Variants in MMUT observed in about 807,000 individuals in gnomAD.
MMUT encodes methylmalonyl-CoA mutase, mitochondrial.
A neutral mutation model predicts 79.9 loss-of-function variants in MMUT; 79 were observed. That is an observed-to-expected ratio of 0.99 (90% confidence interval 0.82 to 1.19). The LOEUF (loss-of-function observed/expected upper bound fraction) is 1.19, where lower values mean the gene tolerates loss of function less well. MMUT is among the 50% of genes most tolerant of loss of function. MMUT has a pLI of 0.00. For missense variants in MMUT, 860 were observed against 917.2 expected (o/e 0.94, Z 0.81); for synonymous variants, 273 against 295.7 (o/e 0.92, Z 0.79).
intron 6 of MMUT, among the ~76,000 whole-genome samples, chr6:49,450,585 T>C (rs988895372): frequency 2.0e-5 from 3 of 152,088 alleles, no homozygotes; most frequent in Admixed American, 2.0e-4. Context: ...AAATCTAGAA[T>C]AAAAAACAGA....
chr6:49,442,354 T>C (rs1767298947), intron 9 of MMUT, among the ~76,000 whole-genome samples: 1 of 152,214 alleles, frequency 6.6e-6, no homozygotes, highest in East Asian at 1.9e-4. Flanking sequence ...CATCCATTTG[T>C]TCACTAACTC....
chr6:49,450,771 A>G (rs1767532004), intron 6 of MMUT, among the ~76,000 whole-genome samples: 1 of 152,202 alleles, frequency 6.6e-6, no homozygotes, highest in African/African-American at 2.4e-5. Context: ...CTTCCAAATA[A>G]CCAAGAGATA....
At chr6:49,443,372 C>A (rs1192831130) in intron 9 of MMUT, among the ~76,000 whole-genome samples, 2 of 152,136 alleles carry the variant, frequency 1.3e-5, no homozygotes, top group African/African-American at 4.8e-5. Context: ...TTGAATGTAA[C>A]CCAATGCACT....
At chr6:49,440,078 T>G in intron 11 of MMUT, 128 bp downstream of exon 11, 1 of 1,262,046 alleles carries the variant, frequency 7.9e-7, no homozygotes. Context: ...ATTTGCCAAG[T>G]CAGTGGCTAC....
rs1314161465 is a variant in MMUT, at chr6:49,458,010, C to A, written c.434G>T (p.Gly145Val). ...AACTCGAGGGTTGTCTGAATCATAG[C>A]CACGATGTGTCGCCAGATCAAAGGC... The part of the protein sequence containing the change: ...SVAFDLATHR[G>V]YDSDNPRVRG... Residue 145 changes from glycine to valine, a missense_variant, in exon 3 of 13, where the codon GGC becomes GTC. Transcript: ENST00000274813. The A allele has an allele frequency of 6.2e-7, 1 of 1,604,126 alleles. No homozygotes were observed. Among genetic ancestry groups the A allele is most frequent in the Non-Finnish European group, 8.5e-7 (1 of 1,179,894 alleles).
chr6:49,440,059 G>A (rs920794529), intron 11 of MMUT, 147 bp downstream of exon 11: 3 of 1,080,958 alleles, frequency 2.8e-6, no homozygotes, highest in Non-Finnish European at 4.2e-6. Context: ...CAGGAATGGA[G>A]AGAAAGGCAT....
rs1766950132 is a variant in MMUT, at chr6:49,430,626, A to G, written c.*1102T>C. 6.6e-6 allele frequency: 1 copy of G among 152,168 alleles called. No homozygotes were observed. The allele number at this position is 152,168 out of a possible 1,614,324, so 9.4% of individuals were successfully genotyped here. A position where few individuals can be genotyped will look rare whatever the true frequency, so the allele number is the denominator to read the frequency against. On this transcript the variant is annotated 3_prime_UTR_variant, in exon 13 of 13. Coordinates refer to ENST00000274813, the MANE Select transcript of MMUT (RefSeq NM_000255.4). The stretch of plus-strand genomic sequence containing the variant: ...TTGTAAATTCTACAGTAATGTATCT[A>G]TAATACTTTCCAAAAGACTGCTCTC...
chr6:49,448,975 G>T, intron 6 of MMUT, 48 bp from the exon 7 acceptor site: 1 of 1,216,104 alleles, frequency 8.2e-7, no homozygotes, highest in Non-Finnish European at 1.2e-6. Flanking sequence ...TTAAAAATGT[G>T]TGTAAACTAT....
chr6:49,454,567 C>T (rs1301045277), intron 4 of MMUT, among the ~76,000 whole-genome samples: 2 of 152,166 alleles, frequency 1.3e-5, no homozygotes, highest in Non-Finnish European at 2.9e-5. Context: ...CTCGGTCACC[C>T]GAAGCACTGG....
intron 5 of MMUT, among the ~76,000 whole-genome samples, chr6:49,453,242 G>C (rs1767601959): frequency 6.6e-6 from 1 of 151,570 alleles, no homozygotes; most frequent in South Asian, 2.1e-4. Context: ...GTTTTTGCCA[G>C]GTTGGCCAGG....
chr6:49,460,205 A>G (rs9473560), intron 1 of MMUT, among the ~76,000 whole-genome samples: 55,707 of 152,128 alleles, frequency 0.37, 10,433 homozygotes, highest in African/African-American at 0.42. Context: ...CCAGTAACAT[A>G]GAAGGCTATA....
chr6:49,441,626 T>C lies in MMUT; in HGVS notation c.1808+214A>G, dbSNP rs914954249. Among the ~76,000 whole-genome samples the C allele has an allele frequency of 2.0e-5, 3 of 149,030 alleles. No individual in the cohort carries two copies. The Admixed American group carries it at 2.0e-4, about 10-fold the overall frequency. The stretch of plus-strand genomic sequence containing the variant: ...GATATATAATATGTATCATGTATGA[T>C]ATATTTCTAATTATATATTATATGT... On this transcript the variant is annotated intron_variant, in intron 10 of 12. Coordinates refer to ENST00000274813, the MANE Select transcript of MMUT (RefSeq NM_000255.4).
chr6:49,432,054 A>G (rs1766993594), intron 12 of MMUT, among the ~76,000 whole-genome samples, 198 bp from the exon 13 acceptor site: 1 of 152,176 alleles, frequency 6.6e-6, no homozygotes, highest in South Asian at 2.1e-4. Flanking sequence ...AGCCCAAGTT[A>G]TTTAAAAAAC....
chr6:49,443,151 C>A (rs1767321573), intron 9 of MMUT, among the ~76,000 whole-genome samples: 1 of 152,072 alleles, frequency 6.6e-6, no homozygotes, highest in African/African-American at 2.4e-5. Context: ...TCCTGTGGAG[C>A]AAAGCACTGA....
At chr6:49,435,684 C>A in intron 11 of MMUT, 61 bp from the exon 12 acceptor site, 2 of 1,537,838 alleles carry the variant, frequency 1.3e-6, no homozygotes, top group East Asian at 2.4e-5. Flanking sequence ...CTATAAAAAC[C>A]CTGGAAGACA....
Position 49,442,058 on chromosome 6 carries a change from T to G in MMUT, c.1677-87A>C, listed in dbSNP as rs189869283. The G allele has an allele frequency of 9.2e-5, 124 of 1,352,802 alleles. 1 individual carries two copies. The African/African-American group carries it at 1.6e-3, about 18-fold the overall frequency. The allele number at this position is 1,352,802 out of a possible 1,614,324, so 83.8% of individuals were successfully genotyped here. ...CATAATATTCAATATAATTAAACAT[T>G]TTATTACATAAGTAAATGACTGTAA... On this transcript the variant is annotated intron_variant, in intron 9 of 12. Coordinates refer to ENST00000274813, the MANE Select transcript of MMUT (RefSeq NM_000255.4).
chr6:49,435,011 A>C (rs1444348283), intron 12 of MMUT, among the ~76,000 whole-genome samples: 1 of 152,190 alleles, frequency 6.6e-6, no homozygotes, highest in Non-Finnish European at 1.5e-5. Context: ...TTCTAAATAG[A>C]AGCAAGCAAA....
rs567990867 is a variant in MMUT at position 49,446,278 on chromosome 6, G to A, written c.1560+1392C>T. ...TGTTAAAACCATAGGTAAAAGGAAA[G>A]CGTAAGAAAATATAAACTTGAGTTC... On this transcript the variant is annotated intron_variant, in intron 8 of 12. Transcript: ENST00000274813. Among the ~76,000 whole-genome samples the A allele has an allele frequency of 9.9e-5, 15 of 151,968 alleles. No individual in the cohort carries two copies. The East Asian group carries it at 2.5e-3, about 25-fold the overall frequency.
chr6:49,435,208 G>C (rs1238755568), intron 12 of MMUT, among the ~76,000 whole-genome samples: 3 of 152,136 alleles, frequency 2.0e-5, no homozygotes, highest in Non-Finnish European at 4.4e-5. Flanking sequence ...ATAGGTTACT[G>C]GTTTGCAAGG....
Sources: allele counts gnomAD v4.1 joint callset (sites outside exome capture counted in the v4.1 genomes callset), GRCh38; gene constraint gnomAD v4.1.1; transcripts MANE v1.5; gene names NCBI Gene and HGNC (gene_info 2026-07-23, HGNC 2026-07-21).